Variants in EML5 observed in about 807,000 individuals in gnomAD.
EML5 encodes the protein echinoderm microtubule-associated protein-like 5.
A neutral mutation model predicts 250.0 loss-of-function variants in EML5; 120 were observed. The observed-to-expected ratio is 0.48, with a 90% CI of 0.41 to 0.56. EML5 has a LOEUF of 0.56. Ranked by LOEUF, EML5 falls within the 20% of genes least tolerant of loss-of-function variation. The pLI is 0.00. For synonymous variants in EML5, 771 were observed against 806.5 expected, an observed-to-expected ratio of 0.96 and a Z score of 0.75; for missense variants, 2,006 against 2,437.6, an observed-to-expected ratio of 0.82 and a Z score of 3.73.
intron 33 of EML5, among the ~76,000 whole-genome samples, chr14:88,632,793 G>C (rs531718870): frequency 6.6e-6 from 1 of 152,172 alleles, no homozygotes; most frequent in Non-Finnish European, 1.5e-5. Flanking sequence ...GGTAGTTAAG[G>C]CTGGTCTTTA....
chr14:88,618,553 T>C, intron 40 of EML5, 97 bp downstream of exon 40: 1 of 1,382,402 alleles, frequency 7.2e-7, no homozygotes, highest in East Asian at 2.4e-5. Flanking sequence ...GTTGAGAAGC[T>C]GGAGCTCTGG....
chr14:88,642,434 G>A (rs11159863), intron 31 of EML5, among the ~76,000 whole-genome samples: 29,170 of 151,980 alleles, frequency 0.19, 3,321 homozygotes, highest in East Asian at 0.47. Context: ...CAGATAAACA[G>A]CTTTCTTAGC....
At chr14:88,723,871 C>T (rs1011016569) in intron 8 of EML5, among the ~76,000 whole-genome samples, 1 of 152,104 alleles carries the variant, frequency 6.6e-6, no homozygotes, top group Non-Finnish European at 1.5e-5. Flanking sequence ...TGGCTTTACC[C>T]TGGCATACCA....
chr14:88,729,683 C>T (rs964530086), intron 7 of EML5, among the ~76,000 whole-genome samples: 1 of 151,962 alleles, frequency 6.6e-6, no homozygotes, highest in African/African-American at 2.4e-5. Context: ...CCTCACCCTC[C>T]TGAGTAGCTG....
At chr14:88,698,314 G>C (rs993803107) in intron 14 of EML5, among the ~76,000 whole-genome samples, 3 of 134,758 alleles carry the variant, frequency 2.2e-5, no homozygotes, top group African/African-American at 8.6e-5. Context: ...TTGCCCTGCT[G>C]AAGTGAAATG....
chr14:88,616,876 A>C lies in EML5; in HGVS notation c.5646T>G (p.Ile1882Met), dbSNP rs543868251. The C allele has an allele frequency of 3.0e-5, 48 of 1,613,320 alleles. No homozygotes were observed. Among genetic ancestry groups the C allele is most frequent in the Non-Finnish European group, 4.1e-5 (48 of 1,179,642 alleles). The part of the protein sequence containing the change: ...DRITWATWTS[I>M]LGDEVLGIWS... ...AGATTCCCAAAACCTCATCTCCTAG[A>C]ATACTAGAGGGAAGGAACAAAAGAA... Residue 1882 changes from isoleucine to methionine, a missense_variant, in exon 42 of 44, where the codon ATT (isoleucine) becomes ATG (methionine). Ile to Met is a conservative substitution (Grantham distance 10, BLOSUM62 1). Transcript: ENST00000554922.
Position 88,705,571 on chromosome 14 carries a change from G to A in EML5, c.1843C>T (p.His615Tyr), listed in dbSNP as rs756726697. The A allele has an allele frequency of 9.5e-5, 152 of 1,593,866 alleles. No homozygotes were observed. Among genetic ancestry groups the A allele is most frequent in the Non-Finnish European group, 1.2e-4 (139 of 1,168,814 alleles). ...IAPQESLADS[H>Y]SDESDSDLSD... The stretch of plus-strand genomic sequence containing the variant: ...AGATCTGAATCTGATTCATCACTAT[G>A]AGAGTCAGCCAGACTTTCTGTAATT... The change falls in exon 12 of 44, where the codon CAT becomes TAT. Residue 615 changes from histidine to tyrosine, a missense_variant. By Grantham distance (83) the His-to-Tyr change is moderately conservative (BLOSUM62 2). Transcript: ENST00000554922.
chr14:88,737,246 G>A (rs1475132909), intron 6 of EML5, among the ~76,000 whole-genome samples: 2 of 152,222 alleles, frequency 1.3e-5, no homozygotes, highest in East Asian at 3.9e-4. Flanking sequence ...GGGCAGGACT[G>A]AAAGAGCTAT....
At chr14:88,733,221 G>A (rs758922261) in intron 7 of EML5, among the ~76,000 whole-genome samples, 9 of 152,150 alleles carry the variant, frequency 5.9e-5, no homozygotes, top group Non-Finnish European at 1.0e-4. Context: ...TCCTCCTTTG[G>A]CAAATGCTGG....
At chr14:88,701,466 C>A (rs1362543573) in intron 14 of EML5, among the ~76,000 whole-genome samples, 1 of 152,026 alleles carries the variant, frequency 6.6e-6, no homozygotes, top group Non-Finnish European at 1.5e-5. Flanking sequence ...ATATTCCTAG[C>A]ACATTTCTTG....
intron 1 of EML5, among the ~76,000 whole-genome samples, chr14:88,774,430 A>C (rs1162422563): frequency 6.6e-6 from 1 of 152,230 alleles, no homozygotes; most frequent in East Asian, 1.9e-4. Context: ...GAAAGAGGCT[A>C]GTTTTGTGTA....
Position 88,627,816 on chromosome 14 carries a change from G to A in EML5, c.4361C>T (p.Thr1454Ile). 6.3e-7 allele frequency: 1 copy of A among 1,585,028 alleles called. No individual in the cohort carries two copies. Among genetic ancestry groups the A allele is most frequent in the Non-Finnish European group, 8.6e-7 (1 of 1,167,206 alleles). ...QVGDSADMSA[T>I]APSIHIWDAM... ...ATCCCAGATGTGAATAGAAGGAGCT[G>A]TAGCTAAATAAAGATAGTATCAAAA... is the stretch of plus-strand genomic sequence containing the variant. Residue 1454 changes from threonine (T) to isoleucine (I), a missense_variant, in exon 34 of 44, where the codon ACA becomes ATA. Coordinates refer to ENST00000554922, the MANE Select transcript of EML5 (RefSeq NM_183387.3).
At chr14:88,687,115 C>T (rs183906888) in intron 19 of EML5, 101 bp downstream of exon 19, 37 of 883,542 alleles carry the variant, frequency 4.2e-5, no homozygotes, top group African/African-American at 7.0e-5. Context: ...CCCAACAAGA[C>T]GGAAAAATAC....
At chr14:88,745,041 G>T (rs1595750582) in intron 3 of EML5, among the ~76,000 whole-genome samples, 1 of 152,066 alleles carries the variant, frequency 6.6e-6, no homozygotes, top group Admixed American at 6.6e-5. Flanking sequence ...GTCATATTTT[G>T]TAACGGGTCT....
intron 1 of EML5, among the ~76,000 whole-genome samples, chr14:88,790,228 T>C (rs2094591851): frequency 6.6e-6 from 1 of 152,252 alleles, no homozygotes; most frequent in Non-Finnish European, 1.5e-5. Context: ...AATTTCAAGA[T>C]GCTGTATGAT....
chr14:88,733,036 T>C (rs1043582652), intron 7 of EML5, among the ~76,000 whole-genome samples: 2 of 152,210 alleles, frequency 1.3e-5, no homozygotes, highest in Non-Finnish European at 1.5e-5. Context: ...GAAACTTACA[T>C]TGTGGTAAAG....
In EML5 at chr14:88,763,622, T is replaced by C. The variant is rs185587148; in HGVS notation, c.198-8951A>G. Among the ~76,000 whole-genome samples the C allele has an allele frequency of 3.6e-3, 549 of 151,860 alleles. 7 individuals are homozygous for C. Among genetic ancestry groups the C allele is most frequent in the African/African-American group, 0.011 (454 of 41,388 alleles). On this transcript the variant is annotated intron_variant, in intron 1 of 43. Coordinates refer to ENST00000554922, the MANE Select transcript of EML5 (RefSeq NM_183387.3). ...TTCCTTCCAGAACACTTCCAAACAA[T>C]AGAAAAAGAGGGAATTCTCCCTAAC... is the stretch of plus-strand genomic sequence containing the variant.
chr14:88,712,221 A>G lies in EML5; in HGVS notation c.1657+50T>C, dbSNP rs768923600. 38 of 1,324,376 alleles carry G rather than the reference A, an allele frequency of 2.9e-5. No individual in the cohort carries two copies. The African/African-American group carries it at 3.9e-4, about 14-fold the overall frequency. 82.0% of individuals were successfully genotyped at this position (1,324,376 alleles called of 1,614,324 possible). On this transcript the variant is annotated intron_variant, in intron 10 of 43. Transcript: ENST00000554922. ...AAGACTAATTTTCTGCAAGAACACG[A>G]AAGTCTTCTGTGAGAGAGAGGTTAC...
chr14:88,616,858 C>G lies in EML5; in HGVS notation c.5664G>C (p.Leu1888Phe). Residue 1888 changes from leucine to phenylalanine, a missense_variant, in exon 42 of 44, where the codon TTG becomes TTC. This residue lies in a region of EML5 where 405 missense variants were observed against 523.3 expected (regional missense o/e 0.77). Coordinates refer to ENST00000554922, the MANE Select transcript of EML5 (RefSeq NM_183387.3). The part of the protein sequence containing the change: ...TWTSILGDEV[L>F]GIWSRHAEKA... Reference sequence around the variant, plus strand: ...TCTCAGCATGTCTGGACCAGATTCCCAAAACCTCATCTCCTAGAATACTAG... The same window carrying G: ...TCTCAGCATGTCTGGACCAGATTCCGAAAACCTCATCTCCTAGAATACTAG... 6.2e-7 allele frequency: 1 copy of G among 1,613,754 alleles called. No homozygotes were observed. Among genetic ancestry groups the G allele is most frequent in the East Asian group, 2.2e-5 (1 of 44,844 alleles).
Sources: gnomAD v4.1 joint callset for allele counts (sites outside exome capture counted in the v4.1 genomes callset) on GRCh38, gnomAD v4.1.1 for gene constraint, gnomAD v4.1.1 regional missense constraint, MANE v1.5 for transcripts, NCBI Gene and HGNC (gene_info 2026-07-23, HGNC 2026-07-21) for gene names.